ZP3: variants seen among roughly 807,000 people sequenced by gnomAD.
ZP3 encodes the protein zona pellucida sperm-binding protein 3.
A neutral mutation model predicts 35.6 loss-of-function variants in ZP3; 21 were observed. The observed-to-expected ratio is 0.59, with a 90% CI of 0.42 to 0.85. The LOEUF is 0.85. Ranked by LOEUF, ZP3 falls within the 40% of genes least tolerant of loss-of-function variation. The probability of loss-of-function intolerance (pLI) is 0.00; values close to 1 mark genes in which losing one functional copy is unlikely to be tolerated. For missense variants in ZP3, 437 were observed against 536.5 expected (o/e 0.81, Z 1.83); for synonymous variants, 207 against 214.5 (o/e 0.96, Z 0.31).
At chr7:76,402,182 A>ATTTTTTTTTTT (rs57389874) in intron 1 of ZP3, among the ~76,000 whole-genome samples, 1 of 127,234 alleles carries the variant, frequency 7.9e-6, no homozygotes, top group Non-Finnish European at 1.7e-5. Flanking sequence ...CTGCCCAGCT[A>ATTTTTTTTTTT]TTTTTTTTTT....
rs537628334 is a variant in ZP3, at chr7:76,397,685, G to A, written c.-179G>A. The A allele has an allele frequency of 8.7e-6, 14 of 1,613,274 alleles. No homozygotes were observed. In the African/African-American group the frequency reaches 9.3e-5, roughly 11 times the overall value. ...GGCGTTGGTGGTGGCGGCCATGGCCGCCCCGCAGCCCAGCTGACGACAGAC... is the reference window on the plus strand; with the variant it reads ...GGCGTTGGTGGTGGCGGCCATGGCCACCCCGCAGCCCAGCTGACGACAGAC... On this transcript the variant is annotated 5_prime_UTR_variant, in exon 1 of 9. Coordinates refer to the ZP3 transcript ENST00000336517.
At chr7:76,426,900 AC>A (rs1563697891) in intron 1 of ZP3, among the ~76,000 whole-genome samples, 76 of 142,406 alleles carry the variant, frequency 5.3e-4, no homozygotes, top group Non-Finnish European at 7.4e-4. Context: ...ACACACACAC[AC>A]ACACACAATA....
At position 76,426,318 on chromosome 7, in the gene ZP3, C is replaced by T. The variant is rs1157594425; in HGVS notation, c.312+1042C>T. Among the ~76,000 whole-genome samples the T allele has an allele frequency of 2.0e-5, 3 of 152,150 alleles. 1 individual carries two copies. The highest frequency in any genetic ancestry group is 4.1e-4 in the South Asian group (2 of 4,830). ...CCTTACGGCAGGGCAGGGCTGGGCACACAGCTCCCCAGCTAAACCCTGATC... is the reference window on the plus strand; with the variant it reads ...CCTTACGGCAGGGCAGGGCTGGGCATACAGCTCCCCAGCTAAACCCTGATC... On this transcript the variant is annotated intron_variant, in intron 1 of 7. Coordinates refer to ENST00000394857, the MANE Select transcript of ZP3 (RefSeq NM_001110354.2).
chr7:76,418,154 G>A (rs898562605), intron 1 of ZP3, among the ~76,000 whole-genome samples: 3 of 151,954 alleles, frequency 2.0e-5, no homozygotes, highest in African/African-American at 7.2e-5. Flanking sequence ...TGCCCAGGCT[G>A]CTGACCTCAG....
chr7:76,416,953 T>TACACATAC (rs1554623917), intron 1 of ZP3, among the ~76,000 whole-genome samples: 45 of 121,372 alleles, frequency 3.7e-4, no homozygotes, highest in African/African-American at 1.4e-3. Context: ...TACATATATA[T>TACACATAC]ATATATATAT....
chr7:76,413,751 C>T (rs968596106), intron 1 of ZP3, among the ~76,000 whole-genome samples: 5 of 151,968 alleles, frequency 3.3e-5, no homozygotes, highest in African/African-American at 1.2e-4. Context: ...ATTGCAGTTG[C>T]GAACTCTGAG....
intron 1 of ZP3, chr7:76,404,517 G>C: frequency 6.2e-7 from 1 of 1,607,792 alleles, no homozygotes; most frequent in Non-Finnish European, 8.5e-7. Context: ...TGAAATTAAA[G>C]ATCCCAAATG....
rs960552232 is a variant in ZP3, at chr7:76,433,343, T to C, written c.536-127T>C. Reference sequence around the variant, plus strand: ...CTAACTTTTCTATTTTTAGTAGAGATGGGGTTTTGCCACGTTGGCTAGGCT... The same window carrying C: ...CTAACTTTTCTATTTTTAGTAGAGACGGGGTTTTGCCACGTTGGCTAGGCT... On this transcript the variant is annotated intron_variant, in intron 3 of 7. Coordinates refer to ENST00000394857, the MANE Select transcript of ZP3 (RefSeq NM_001110354.2). The C allele has an allele frequency of 1.8e-5, 18 of 1,001,106 alleles. No homozygotes were observed. The African/African-American group carries it at 2.8e-4, about 15-fold the overall frequency. The allele number at this position is 1,001,106 out of a possible 1,614,324, so 62.0% of individuals were successfully genotyped here.
chr7:76,410,529 T>A (rs1170967366), intron 1 of ZP3, among the ~76,000 whole-genome samples: 3 of 147,206 alleles, frequency 2.0e-5, no homozygotes, highest in Non-Finnish European at 1.5e-5. Context: ...AAAAAAAAAA[T>A]GTTGAGAAGC....
At chr7:76,411,877 T>G (rs971922828) in intron 1 of ZP3, among the ~76,000 whole-genome samples, 1 of 152,152 alleles carries the variant, frequency 6.6e-6, no homozygotes, top group African/African-American at 2.4e-5. Flanking sequence ...TTATTTGTAA[T>G]AGCCAAAAAC....
At chr7:76,431,838 G>C (rs1236676121) in intron 2 of ZP3, among the ~76,000 whole-genome samples, 1 of 151,018 alleles carries the variant, frequency 6.6e-6, no homozygotes, top group Non-Finnish European at 1.5e-5. Context: ...GGTGGAGCTT[G>C]CAGTGAGCCG....
intron 1 of ZP3, chr7:76,400,689 G>A (rs1804793153): frequency 7.8e-7 from 1 of 1,288,084 alleles, no homozygotes; most frequent in Non-Finnish European, 1.0e-6. Flanking sequence ...ATTTTTTTTG[G>A]TAGAGACGGG....
intron 1 of ZP3, chr7:76,398,697 G>T (rs1440264159): frequency 6.2e-7 from 1 of 1,611,296 alleles, no homozygotes; most frequent in East Asian, 2.2e-5. Flanking sequence ...AACCCAGGTG[G>T]TGCCCACATT....
At chr7:76,411,011 A>AG (rs1327301405) in intron 1 of ZP3, among the ~76,000 whole-genome samples, 20 of 144,402 alleles carry the variant, frequency 1.4e-4, no homozygotes, top group African/African-American at 4.9e-4. Context: ...AAAAAAAAAA[A>AG]AAAAAAGAAA....
At chr7:76,412,907 A>G (rs938577592) in intron 1 of ZP3, among the ~76,000 whole-genome samples, 3 of 150,338 alleles carry the variant, frequency 2.0e-5, no homozygotes, top group Middle Eastern at 3.2e-3. Flanking sequence ...GGGTAACCAC[A>G]CATCCCTATA....
chr7:76,423,838 G>A (rs1013038530), upstream of ZP3, among the ~76,000 whole-genome samples: 1 of 151,894 alleles, frequency 6.6e-6, no homozygotes, highest in African/African-American at 2.4e-5. Context: ...CTCCAGCCTG[G>A]GCAACAGAGT....
intron 1 of ZP3, among the ~76,000 whole-genome samples, chr7:76,417,940 C>CTTTTT (rs371645836): frequency 8.3e-6 from 1 of 121,186 alleles, no homozygotes; most frequent in African/African-American, 3.5e-5. Context: ...TTCTTTCTTT[C>CTTTTT]TTTTTTTTTT....
intron 1 of ZP3, chr7:76,401,077 T>C: frequency 6.6e-7 from 1 of 1,519,856 alleles, no homozygotes; most frequent in Non-Finnish European, 8.9e-7. Context: ...TTGGCCCCTC[T>C]GCCCACACCA....
At chr7:76,430,554 T>G (rs963013607) in intron 2 of ZP3, among the ~76,000 whole-genome samples, 5 of 151,980 alleles carry the variant, frequency 3.3e-5, no homozygotes, top group African/African-American at 1.2e-4. Context: ...GCCAACATGG[T>G]GAAACCCATC....
Sources: allele counts gnomAD v4.1 joint callset (sites outside exome capture counted in the v4.1 genomes callset), GRCh38; gene constraint gnomAD v4.1.1; transcripts MANE v1.5; gene names NCBI Gene and HGNC (gene_info 2026-07-23, HGNC 2026-07-21).